OLFM3: variants seen among roughly 807,000 people sequenced by gnomAD.
The protein encoded by OLFM3 is olfactomedin 3, also known as noelin-3.
OLFM3 carries 20 observed loss-of-function variants against 48.6 expected under a neutral mutation model. That is an observed-to-expected ratio of 0.41 (90% CI 0.29 to 0.60). OLFM3 has a LOEUF of 0.60. Among genes scored for constraint, OLFM3 ranks in the 20% least tolerant of loss-of-function variants. The pLI is 0.28. For synonymous variants in OLFM3, 222 were observed against 198.1 expected (o/e 1.12, Z -1.01); for missense variants, 437 against 544.3 (o/e 0.80, Z 1.96).
rs141269065 is a variant in OLFM3 at position 101,809,757 on chromosome 1, G to GCC, written c.593-3576_593-3575insGG. 6.4e-3 allele frequency among the ~76,000 whole-genome samples: 980 copies of GCC among 151,960 alleles called. 8 individuals carry two copies. Among genetic ancestry groups the GCC allele is most frequent in the African/African-American group, 0.019 (778 of 41,504 alleles). On this transcript the variant is annotated intron_variant, in intron 4 of 5. Transcript: ENST00000370103. ...GGGTAATGCAGAGGCATTTATTGATGTATACAAAATAATTCACTTGAATTT... is the reference window on the plus strand; with the variant it reads ...GGGTAATGCAGAGGCATTTATTGATGCCTATACAAAATAATTCACTTGAATTT...
intron 1 of OLFM3, among the ~76,000 whole-genome samples, chr1:101,872,839 T>C (rs1434247233): frequency 6.6e-6 from 1 of 151,898 alleles, no homozygotes; most frequent in Non-Finnish European, 1.5e-5. Context: ...AGAAACTCTA[T>C]TGAAGATTGT....
chr1:101,847,013 A>T (rs1034929645), intron 1 of OLFM3: 1 of 1,576,702 alleles, frequency 6.3e-7, no homozygotes, highest in Non-Finnish European at 8.7e-7. Flanking sequence ...ACTGATTAAG[A>T]TCCCGGTGCC....
chr1:101,994,211 A>G (rs1015674444), intron 1 of OLFM3, among the ~76,000 whole-genome samples: 3 of 151,098 alleles, frequency 2.0e-5, no homozygotes, highest in African/African-American at 7.3e-5. Flanking sequence ...TTATATACAT[A>G]TATAAAATAA....
At position 101,864,023 on chromosome 1, in the gene OLFM3, C is replaced by T. The variant is rs554253234; in HGVS notation, c.70-26998G>A. The stretch of plus-strand genomic sequence containing the variant: ...CCCATGGGGAAAACAGCTTAGAGGG[C>T]GCCAGTGCCTCTTCTCTTCTGCTTC... On this transcript the variant is annotated intron_variant, in intron 1 of 5. Coordinates refer to ENST00000370103, the MANE Select transcript of OLFM3 (RefSeq NM_058170.4). Among the ~76,000 whole-genome samples the T allele has an allele frequency of 1.4e-4, 21 of 152,204 alleles. No individual in the cohort carries two copies. In the South Asian group the frequency reaches 2.5e-3, roughly 18 times the overall value.
At chr1:101,825,559 C>A in intron 3 of OLFM3, among the ~76,000 whole-genome samples, 1 of 152,216 alleles carries the variant, frequency 6.6e-6, no homozygotes, top group South Asian at 2.1e-4. Flanking sequence ...TTTCTGGTAA[C>A]ATTTTATATA....
intron 1 of OLFM3, among the ~76,000 whole-genome samples, chr1:101,961,364 T>C (rs917490146): frequency 1.3e-5 from 2 of 152,080 alleles, no homozygotes; most frequent in African/African-American, 4.8e-5. Context: ...ATAGATACTG[T>C]ATTTAGTAAT....
intron 1 of OLFM3, among the ~76,000 whole-genome samples, chr1:101,959,364 T>A (rs963830677): frequency 5.9e-5 from 9 of 151,838 alleles, no homozygotes; most frequent in Admixed American, 5.9e-4. Flanking sequence ...ACTTTTTTAC[T>A]TTCACTTTCT....
At position 101,933,429 on chromosome 1, in the gene OLFM3, A is replaced by C. The variant is rs1659517213; in HGVS notation, c.69+63319T>G. The stretch of plus-strand genomic sequence containing the variant: ...AAAAATAAAGAAAAATCAAACGAAG[A>C]AGAATGAACCAAACCTCCAAGAAAT... On this transcript the variant is annotated intron_variant, in intron 1 of 5. Coordinates refer to ENST00000370103, the MANE Select transcript of OLFM3 (RefSeq NM_058170.4). Among the ~76,000 whole-genome samples the C allele has an allele frequency of 2.0e-5, 3 of 152,056 alleles. No individual in the cohort carries two copies. The South Asian group carries it at 6.2e-4, about 32-fold the overall frequency.
At chr1:101,944,604 G>A (rs191454327) in intron 1 of OLFM3, among the ~76,000 whole-genome samples, 136 of 152,268 alleles carry the variant, frequency 8.9e-4, no homozygotes, top group African/African-American at 3.2e-3. Context: ...TGGACGCCAG[G>A]TGCAGTGGCT....
At chr1:101,941,569 T>G (rs1350297617) in intron 1 of OLFM3, among the ~76,000 whole-genome samples, 1 of 152,102 alleles carries the variant, frequency 6.6e-6, no homozygotes, top group East Asian at 1.9e-4. Flanking sequence ...TACTTAGTTA[T>G]GATATTGACT....
chr1:101,893,433 T>C, intron 1 of OLFM3: 1 of 297,680 alleles, frequency 3.4e-6, no homozygotes. Context: ...AAGAAGATAG[T>C]TTTGGGAGAA....
intron 1 of OLFM3, among the ~76,000 whole-genome samples, chr1:101,976,940 G>A (rs1162641615): frequency 6.6e-6 from 1 of 152,146 alleles, no homozygotes; most frequent in Non-Finnish European, 1.5e-5. Flanking sequence ...AAGTGGGAAG[G>A]TGAGTTATGG....
At chr1:101,810,503 G>T (rs1653998094) in intron 4 of OLFM3, among the ~76,000 whole-genome samples, 1 of 151,914 alleles carries the variant, frequency 6.6e-6, no homozygotes, top group Non-Finnish European at 1.5e-5. Context: ...AGGTTATAAT[G>T]TAAAAAGTTG....
chr1:101,880,095 T>C (rs1284538825), intron 1 of OLFM3, among the ~76,000 whole-genome samples: 2 of 151,918 alleles, frequency 1.3e-5, no homozygotes, highest in Admixed American at 1.3e-4. Context: ...GATTAACTAT[T>C]TCTTCACTGA....
At chr1:101,963,364 T>G (rs542717215) in intron 1 of OLFM3, among the ~76,000 whole-genome samples, 1 of 152,338 alleles carries the variant, frequency 6.6e-6, no homozygotes, top group South Asian at 2.1e-4. Context: ...AACCCCTGAC[T>G]GCAGTAAACT....
At chr1:101,847,195 A>C (rs963950685) in intron 1 of OLFM3, 1 of 314,650 alleles carries the variant, frequency 3.2e-6, no homozygotes, top group African/African-American at 2.3e-5. Flanking sequence ...CTGGATCATC[A>C]AACAAAATAT....
At chr1:101,959,560 G>A (rs1384635305) in intron 1 of OLFM3, among the ~76,000 whole-genome samples, 1 of 152,104 alleles carries the variant, frequency 6.6e-6, no homozygotes, top group Non-Finnish European at 1.5e-5. Flanking sequence ...GATATTATCA[G>A]TTCTTAATGC....
At chr1:101,991,898 A>C (rs538742845) in intron 1 of OLFM3, among the ~76,000 whole-genome samples, 1 of 152,104 alleles carries the variant, frequency 6.6e-6, no homozygotes, top group Non-Finnish European at 1.5e-5. Flanking sequence ...ATACTATCCA[A>C]GGAAGCTTGT....
At chr1:101,877,942 T>C (rs1557712835) in intron 1 of OLFM3, among the ~76,000 whole-genome samples, 1 of 151,852 alleles carries the variant, frequency 6.6e-6, no homozygotes, top group South Asian at 2.1e-4. Context: ...TTAATACTTA[T>C]AAAACTGGCT....
Sources: allele counts gnomAD v4.1 joint callset (sites outside exome capture counted in the v4.1 genomes callset), GRCh38; gene constraint gnomAD v4.1.1; transcripts MANE v1.5; gene names NCBI Gene and HGNC (gene_info 2026-07-23, HGNC 2026-07-21).